The following FAP variants were observed in gnomAD, a reference collection of about 807,000 sequenced individuals.
The protein encoded by FAP is prolyl endopeptidase FAP.
Under a neutral mutation model 126.5 loss-of-function variants are expected in FAP, and 110 were observed. The ratio of observed to expected loss-of-function variants is 0.87; its 90% CI spans 0.74 to 1.02. The LOEUF (loss-of-function observed/expected upper bound fraction) is 1.02. Among genes scored for constraint, FAP ranks in the 50% least tolerant of loss-of-function variants. The pLI, the probability that FAP is intolerant of heterozygous loss-of-function variation, is 0.00. For synonymous variants in FAP, 334 were observed against 297.3 expected (o/e 1.12, Z -1.27); for missense variants, 919 against 909.2 (o/e 1.01, Z -0.14).
chr2:162,209,014 T>C (rs1353024480), intron 12 of FAP, among the ~76,000 whole-genome samples: 1 of 151,986 alleles, frequency 6.6e-6, no homozygotes, highest in Non-Finnish European at 1.5e-5. Context: ...TCCAGAAAAG[T>C]GTACAATGAA....
intron 8 of FAP, 81 bp downstream of exon 8, chr2:162,218,982 C>T: frequency 1.8e-6 from 2 of 1,132,020 alleles, no homozygotes; most frequent in South Asian, 1.8e-5. Context: ...AGATACTACT[C>T]ATCTAAATCT....
intron 2 of FAP, among the ~76,000 whole-genome samples, chr2:162,238,972 G>GGCAA (rs1690242881): frequency 6.6e-6 from 1 of 152,006 alleles, no homozygotes. Flanking sequence ...CATTATAAAA[G>GGCAA]GCAAGACTCA....
chr2:162,222,379 A>G (rs1367013807), intron 6 of FAP, among the ~76,000 whole-genome samples: 1 of 152,196 alleles, frequency 6.6e-6, no homozygotes, highest in Non-Finnish European at 1.5e-5. Context: ...GACAAGAAGG[A>G]CTCAGAATGC....
chr2:162,228,253 A>C (rs1689743041), intron 2 of FAP, among the ~76,000 whole-genome samples: 1 of 152,034 alleles, frequency 6.6e-6, no homozygotes. Context: ...TGGTAAGTAG[A>C]TCTCTGGTGC....
chr2:162,214,854 T>C (rs1361844125), intron 10 of FAP, among the ~76,000 whole-genome samples: 1 of 152,048 alleles, frequency 6.6e-6, no homozygotes, highest in African/African-American at 2.4e-5. Flanking sequence ...TTTTAAAGAG[T>C]GCTGTAAAGA....
intron 21 of FAP, among the ~76,000 whole-genome samples, chr2:162,179,784 ATC>A (rs1687620510): frequency 1.6e-5 from 1 of 64,026 alleles, no homozygotes; most frequent in African/African-American, 4.8e-5. Flanking sequence ...CTATCTATCT[ATC>A]TATCTATATA....
intron 17 of FAP, among the ~76,000 whole-genome samples, chr2:162,192,820 G>A (rs1170025723): frequency 2.0e-5 from 3 of 152,094 alleles, no homozygotes; most frequent in Non-Finnish European, 2.9e-5. Context: ...CATCCAAATA[G>A]CATTATCACC....
chr2:162,181,513 G>T (rs923741094), intron 21 of FAP, among the ~76,000 whole-genome samples: 1 of 152,056 alleles, frequency 6.6e-6, no homozygotes, highest in Non-Finnish European at 1.5e-5. Context: ...TTTAACTCAG[G>T]TCCTGGGCAA....
At chr2:162,179,856 T>C (rs1687635439) in intron 21 of FAP, among the ~76,000 whole-genome samples, 1 of 149,174 alleles carries the variant, frequency 6.7e-6, no homozygotes, top group Admixed American at 6.7e-5. Context: ...TTGCCCAGGC[T>C]GGAGTACAAT....
chr2:162,243,397 G>T lies in FAP; in HGVS notation c.-70C>A. The T allele has an allele frequency of 1.3e-6, 2 of 1,575,174 alleles. No homozygotes were observed. Among genetic ancestry groups the T allele is most frequent in the Non-Finnish European group, 1.7e-6 (2 of 1,165,884 alleles). ...GTGGGTCACTGGATCTGTGAAAACC[G>T]TTGAAAAGGACCAAGTCTGTCTTTG... On this transcript the variant is annotated 5_prime_UTR_variant, in exon 1 of 26. Transcript: ENST00000188790.
intron 2 of FAP, among the ~76,000 whole-genome samples, chr2:162,236,315 T>G (rs1690127577): frequency 6.6e-6 from 1 of 152,204 alleles, no homozygotes; most frequent in Non-Finnish European, 1.5e-5. Flanking sequence ...GGTAATACCT[T>G]ATAGAATGAG....
At chr2:162,222,649 G>GAA (rs1689458437) in intron 6 of FAP, among the ~76,000 whole-genome samples, 1 of 152,042 alleles carries the variant, frequency 6.6e-6, no homozygotes, top group Non-Finnish European at 1.5e-5. Context: ...GCAATTCATT[G>GAA]TCCACACTTA....
At chr2:162,213,420 C>A (rs1689037700) in intron 11 of FAP, among the ~76,000 whole-genome samples, 1 of 148,142 alleles carries the variant, frequency 6.8e-6, no homozygotes. Context: ...AAACAAAAAA[C>A]AAACAAAAAA....
At chr2:162,184,335 C>G (rs1040470730) in intron 20 of FAP, among the ~76,000 whole-genome samples, 2 of 152,198 alleles carry the variant, frequency 1.3e-5, no homozygotes, top group African/African-American at 4.8e-5. Context: ...CCAAAGGAGA[C>G]ACACAGTCCC....
At chr2:162,232,237 C>A (rs1689930011) in intron 2 of FAP, among the ~76,000 whole-genome samples, 1 of 152,164 alleles carries the variant, frequency 6.6e-6, no homozygotes, top group Non-Finnish European at 1.5e-5. Flanking sequence ...AAGTACTCTA[C>A]ATGTATAGTC....
At chr2:162,173,246 T>A (rs745926860) in intron 23 of FAP, 25 bp from the exon 24 acceptor site, 1 of 1,565,760 alleles carries the variant, frequency 6.4e-7, no homozygotes, top group South Asian at 1.1e-5. Context: ...AAAATTAACA[T>A]TTTAGTTGCT....
At chr2:162,198,258 C>A (rs1249600695) in intron 16 of FAP, 15 of 1,289,848 alleles carry the variant, frequency 1.2e-5, no homozygotes, top group Middle Eastern at 2.1e-4. Context: ...GATTGACCTC[C>A]GACGTGGGCA....
intron 6 of FAP, among the ~76,000 whole-genome samples, chr2:162,222,248 C>T (rs972432777): frequency 1.3e-5 from 2 of 152,142 alleles, no homozygotes; most frequent in East Asian, 1.9e-4. Flanking sequence ...ACTCACTAAT[C>T]GAACGTTTCT....
rs1687296431 is a variant in FAP, at chr2:162,171,297, A to G, written c.2182-217T>C. On this transcript the variant is annotated intron_variant, in intron 25 of 25. Coordinates refer to ENST00000188790, the MANE Select transcript of FAP (RefSeq NM_004460.5). ...GTTTCACATGCTTTAAACATATTTT[A>G]GATCTCAGTGGCTGAGATCTCGCAT... is the stretch of plus-strand genomic sequence containing the variant. The G allele has an allele frequency of 6.8e-6, 3 of 442,770 alleles. No homozygotes were observed. The South Asian group carries it at 9.5e-5, about 14-fold the overall frequency. 27.4% of individuals were successfully genotyped at this position (442,770 alleles called of 1,614,324 possible).
Sources: allele counts gnomAD v4.1 joint callset (sites outside exome capture counted in the v4.1 genomes callset), GRCh38; gene constraint gnomAD v4.1.1; transcripts MANE v1.5; gene names NCBI Gene and HGNC (gene_info 2026-07-23, HGNC 2026-07-21).